Variants in COL5A2 observed in about 807,000 individuals in gnomAD.
COL5A2 encodes collagen type V alpha 2 chain.
Under a neutral mutation model 208.2 loss-of-function variants are expected in COL5A2, and 23 were observed. The observed-to-expected ratio is 0.11, with a 90% confidence interval of 0.08 to 0.16. The LOEUF (loss-of-function observed/expected upper bound fraction) is 0.16, where lower values mean the gene tolerates loss of function less well. Ranked by LOEUF, COL5A2 falls within the 10% of genes least tolerant of loss-of-function variation. The pLI is 1.00. For synonymous variants in COL5A2, 625 were observed against 628.5 expected, an observed-to-expected ratio of 0.99 and a Z score of 0.08; for missense variants, 1,590 against 1,956.4, an observed-to-expected ratio of 0.81 and a Z score of 3.53.
chr2:189,217,262 A>C (rs1393187377), intron 1 of COL5A2, among the ~76,000 whole-genome samples: 1 of 152,212 alleles, frequency 6.6e-6, no homozygotes, highest in Non-Finnish European at 1.5e-5. Flanking sequence ...AATCAGTGTA[A>C]AAGCAGAGTG....
At chr2:189,196,151 C>T (rs190008214) in intron 1 of COL5A2, among the ~76,000 whole-genome samples, 5 of 152,270 alleles carry the variant, frequency 3.3e-5, no homozygotes, top group African/African-American at 1.2e-4. Context: ...AGGATGTGAA[C>T]AGACACTTCT....
the COL5A2 span, among the ~76,000 whole-genome samples, chr2:189,335,673 A>G: frequency 6.6e-6 from 1 of 152,142 alleles, no homozygotes; most frequent in Non-Finnish European, 1.5e-5. Context: ...CACAGATTGT[A>G]TTATTCCATT....
At chr2:189,340,249 C>CT in the COL5A2 span, among the ~76,000 whole-genome samples, 2 of 152,098 alleles carry the variant, frequency 1.3e-5, no homozygotes, top group Admixed American at 1.3e-4. Flanking sequence ...GAGTAGTGTG[C>CT]TACATGCCCC....
intron 1 of COL5A2, among the ~76,000 whole-genome samples, chr2:189,142,855 G>A (rs1234474635): frequency 1.3e-5 from 2 of 151,398 alleles, no homozygotes; most frequent in Non-Finnish European, 2.9e-5. Context: ...TTTCACTCTG[G>A]TTATTGTTCA....
the COL5A2 span, among the ~76,000 whole-genome samples, chr2:189,424,957 A>C: frequency 6.6e-6 from 1 of 152,244 alleles, no homozygotes; most frequent in African/African-American, 2.4e-5. Context: ...ACATAAAAAC[A>C]GATATATATG....
At chr2:189,416,079 G>A in the COL5A2 span, among the ~76,000 whole-genome samples, 18 of 152,222 alleles carry the variant, frequency 1.2e-4, no homozygotes, top group Admixed American at 7.8e-4. Flanking sequence ...TGGAGAGGAT[G>A]TGGAGAAACA....
chr2:189,411,983 T>C, the COL5A2 span, among the ~76,000 whole-genome samples: 21,860 of 151,756 alleles, frequency 0.14, 1,970 homozygotes, highest in South Asian at 0.21. Flanking sequence ...ATAGTGGGAG[T>C]GGAAAAAGAA....
the COL5A2 span, among the ~76,000 whole-genome samples, chr2:189,236,702 A>C: frequency 1.3e-5 from 2 of 151,812 alleles, no homozygotes. Context: ...CAATGTTTCC[A>C]CTGGGCTATC....
At chr2:189,054,891 T>C (rs1685870610) in intron 35 of COL5A2, among the ~76,000 whole-genome samples, 1 of 151,898 alleles carries the variant, frequency 6.6e-6, no homozygotes, top group South Asian at 2.1e-4. Flanking sequence ...TTCTTCATTT[T>C]TTTTTTTTTT....
At chr2:189,105,482 TGAAAAATC>T (rs1313349764) in intron 2 of COL5A2, among the ~76,000 whole-genome samples, 1 of 151,648 alleles carries the variant, frequency 6.6e-6, no homozygotes, top group African/African-American at 2.4e-5. Flanking sequence ...TGTCATATAT[TGAAAAATC>T]ATTTGTATTT....
chr2:189,191,152 C>CA (rs1553526750), intron 1 of COL5A2, among the ~76,000 whole-genome samples: 1 of 21,062 alleles, frequency 4.7e-5, no homozygotes, highest in African/African-American at 8.5e-5. Context: ...AAAAAAAAAA[C>CA]AAAAAACAAA....
At chr2:189,401,915 T>C in the COL5A2 span, among the ~76,000 whole-genome samples, 8 of 152,220 alleles carry the variant, frequency 5.3e-5, no homozygotes, top group Non-Finnish European at 8.8e-5. Flanking sequence ...TTAATGGGGC[T>C]GTTTTTTTCT....
rs1687019096 is a variant in COL5A2, at chr2:189,100,145, A to G, written c.337-6T>C. On this transcript the variant is annotated splice_polypyrimidine_tract_variant and splice_region_variant and intron_variant, in intron 3 of 53. Transcript: ENST00000374866. ...CCTGGTTCTCCCTTTTGTCCCTGTGACATTAAAAACAATTCAAAAATTCAA... is the reference window on the plus strand; with the variant it reads ...CCTGGTTCTCCCTTTTGTCCCTGTGGCATTAAAAACAATTCAAAAATTCAA... 6.2e-7 allele frequency: 1 copy of G among 1,610,106 alleles called. No individual in the cohort carries two copies.
the COL5A2 span, among the ~76,000 whole-genome samples, chr2:189,345,262 G>A: frequency 6.6e-6 from 1 of 152,172 alleles, no homozygotes; most frequent in Admixed American, 6.5e-5. Flanking sequence ...GGAACAATTG[G>A]GCCAGTTTCA....
chr2:189,050,644 C>T lies in COL5A2; in HGVS notation c.2964G>A (p.Thr988=), dbSNP rs1060504380. ...GPDGPPGPAG[T]TGQRGIVGMP... ...TGCCAACAATTCCTCTCTGCCCGGT[C>T]GTTCCAGCTGGACCAGGGGGGCCAT... Residue 988 remains threonine, a synonymous_variant, in exon 43 of 54, where the codon ACG becomes ACA. Coordinates refer to ENST00000374866, the MANE Select transcript of COL5A2 (RefSeq NM_000393.5). The T allele has an allele frequency of 1.9e-5, 30 of 1,552,380 alleles. No homozygotes were observed. Among genetic ancestry groups the T allele is most frequent in the Middle Eastern group, 1.7e-4 (1 of 5,972 alleles).
Position 189,176,198 on chromosome 2 carries a change from A to G in COL5A2, c.97+3310T>C, listed in dbSNP as rs143626466. ...AGTAATCAAAAGTTAGCTTGGGTCC[A>G]GGAGGATATCAGTGTAGGATTGCAA... On this transcript the variant is annotated intron_variant, in intron 1 of 53. Coordinates refer to ENST00000374866, the MANE Select transcript of COL5A2 (RefSeq NM_000393.5). Among the ~76,000 whole-genome samples, 206 of 152,334 alleles carry G rather than the reference A, an allele frequency of 1.4e-3. 2 individuals are homozygous for G. In the East Asian group the frequency reaches 0.036, roughly 27 times the overall value.
At chr2:189,118,061 G>C (rs981946516) in intron 1 of COL5A2, among the ~76,000 whole-genome samples, 4 of 151,978 alleles carry the variant, frequency 2.6e-5, no homozygotes, top group Non-Finnish European at 5.9e-5. Flanking sequence ...TACCAAGTAA[G>C]AGATCTAGGC....
intron 1 of COL5A2, among the ~76,000 whole-genome samples, chr2:189,147,857 G>A (rs925999743): frequency 6.6e-6 from 1 of 152,124 alleles, no homozygotes; most frequent in Non-Finnish European, 1.5e-5. Flanking sequence ...AGTAGGTGGA[G>A]AAGGAGGAAG....
Position 189,064,049 on chromosome 2 carries a change from C to T in COL5A2, c.1717-16G>A, listed in dbSNP as rs761267121. The T allele has an allele frequency of 6.2e-7, 1 of 1,609,574 alleles. No individual in the cohort carries two copies. The highest frequency in any genetic ancestry group is 8.5e-7 in the Non-Finnish European group (1 of 1,176,626). ...CTGTCAAACCCTGAAAATAAAAAACCAACTGTCAGTTTGTTGCTGATATGC... is the reference window on the plus strand; with the variant it reads ...CTGTCAAACCCTGAAAATAAAAAACTAACTGTCAGTTTGTTGCTGATATGC... On this transcript the variant is annotated splice_polypyrimidine_tract_variant and intron_variant, in intron 25 of 53. Transcript: ENST00000374866.
Sources: gnomAD v4.1 joint callset for allele counts (sites outside exome capture counted in the v4.1 genomes callset) on GRCh38, gnomAD v4.1.1 for gene constraint, MANE v1.5 for transcripts, NCBI Gene and HGNC (gene_info 2026-07-23, HGNC 2026-07-21) for gene names.